The following SP100 variants were observed in gnomAD, a reference collection of about 807,000 sequenced individuals.
The protein encoded by SP100 is SP100 nuclear body protein, also known as nuclear autoantigen Sp-100.
SP100 carries 84 observed loss-of-function variants against 130.0 expected under a neutral mutation model. The observed-to-expected ratio is 0.65, with a 90% CI of 0.54 to 0.77. The LOEUF (loss-of-function observed/expected upper bound fraction) is 0.77, where lower values mean the gene tolerates loss of function less well. Ranked by LOEUF, SP100 falls within the 30% of genes least tolerant of loss-of-function variation. The pLI is 0.00. For synonymous variants in SP100, 331 were observed against 351.7 expected, an observed-to-expected ratio of 0.94 and a Z score of 0.66; for missense variants, 978 against 1,052.2, an observed-to-expected ratio of 0.93 and a Z score of 0.97.
chr2:230,536,420 A>G (rs1317335739), intron 24 of SP100, among the ~76,000 whole-genome samples: 4 of 152,110 alleles, frequency 2.6e-5, no homozygotes, highest in Non-Finnish European at 5.9e-5. Flanking sequence ...ATAGAAATTG[A>G]CCCTCTCAGT....
At chr2:230,506,091 G>C (rs1690074418) in intron 21 of SP100, among the ~76,000 whole-genome samples, 2 of 151,920 alleles carry the variant, frequency 1.3e-5, no homozygotes, top group Non-Finnish European at 2.9e-5. Context: ...CTCATTGCAT[G>C]ATGGTCAAAG....
chr2:230,439,265 G>T (rs900684615), intron 2 of SP100, among the ~76,000 whole-genome samples: 1 of 151,980 alleles, frequency 6.6e-6, no homozygotes, highest in African/African-American at 2.4e-5. Flanking sequence ...GCTTAGTCTT[G>T]CTTTGGCAAT....
chr2:230,524,107 G>A (rs1259122176), intron 24 of SP100, among the ~76,000 whole-genome samples: 1 of 148,532 alleles, frequency 6.7e-6, no homozygotes. Context: ...GCCGAGGCAG[G>A]TGGATCACCT....
At chr2:230,466,201 A>AAAAAAC (rs35220862) in intron 11 of SP100, 100 bp from the exon 12 acceptor site, 11,550 of 574,130 alleles carry the variant, frequency 0.02, 404 homozygotes, top group African/African-American at 0.079. Context: ...AAAAAAAAAA[A>AAAAAAC]AACTTTGTTA....
At position 230,543,591 on chromosome 2, in the gene SP100, C is replaced by T. The variant is rs1392631107; in HGVS notation, c.*645C>T. On this transcript the variant is annotated 3_prime_UTR_variant, in exon 29 of 29. Transcript: ENST00000340126. ...TAAAAGAATAAAATACCTAGGAATA[C>T]AGCTAATCAGGGAGGTGAGAGAGTT... is the stretch of plus-strand genomic sequence containing the variant. 1 of 152,086 alleles carries T rather than the reference C, an allele frequency of 6.6e-6. No individual in the cohort carries two copies. The highest frequency in any genetic ancestry group is 1.5e-5 in the Non-Finnish European group (1 of 68,024). The allele number at this position is 152,086 out of a possible 1,614,324, so 9.4% of individuals were successfully genotyped here.
chr2:230,461,955 GA>G (rs370809718), intron 9 of SP100, among the ~76,000 whole-genome samples: 18 of 119,054 alleles, frequency 1.5e-4, no homozygotes, highest in East Asian at 9.3e-4. Flanking sequence ...TCTCAAAAAA[GA>G]AAAAAAAAAG....
chr2:230,539,814 A>G (rs1172599336), intron 25 of SP100, among the ~76,000 whole-genome samples: 2 of 152,174 alleles, frequency 1.3e-5, no homozygotes, highest in African/African-American at 4.8e-5. Context: ...GAGACCTGTG[A>G]ATTCTGCAAG....
At chr2:230,524,511 G>A (rs1691335034) in intron 24 of SP100, among the ~76,000 whole-genome samples, 1 of 152,128 alleles carries the variant, frequency 6.6e-6, no homozygotes, top group African/African-American at 2.4e-5. Context: ...AAATACCCAT[G>A]CAGTTAATTT....
intron 17 of SP100, among the ~76,000 whole-genome samples, chr2:230,485,158 G>T (rs1406186658): frequency 6.6e-6 from 1 of 151,222 alleles, no homozygotes; most frequent in African/African-American, 2.4e-5. Flanking sequence ...TCACTATGTT[G>T]CCTAGGCTGG....
chr2:230,451,677 A>G (rs959738889), intron 8 of SP100, among the ~76,000 whole-genome samples: 3 of 151,986 alleles, frequency 2.0e-5, no homozygotes, highest in Admixed American at 6.6e-5. Flanking sequence ...TGCTTTTGTG[A>G]TTGTGCTTCT....
intron 9 of SP100, 112 bp from the exon 10 acceptor site, chr2:230,462,323 G>A (rs1345994260): frequency 1.3e-6 from 1 of 756,862 alleles, no homozygotes; most frequent in Non-Finnish European, 2.3e-6. Context: ...CCAGGGTCTT[G>A]AGTTAACTTA....
At chr2:230,540,143 T>C (rs911333630) in intron 25 of SP100, among the ~76,000 whole-genome samples, 1 of 152,184 alleles carries the variant, frequency 6.6e-6, no homozygotes, top group Non-Finnish European at 1.5e-5. Flanking sequence ...TGAGCCCTTG[T>C]ATAGCCCCTA....
At position 230,545,244 on chromosome 2, in the gene SP100, A is replaced by G. The variant is rs1028344235; in HGVS notation, c.*2298A>G. Among the ~76,000 whole-genome samples, 1 of 152,276 alleles carries G rather than the reference A, an allele frequency of 6.6e-6. No individual in the cohort carries two copies. The highest frequency in any genetic ancestry group is 1.5e-5 in the Non-Finnish European group (1 of 68,048). ...TGGTACACATACACCATGGAATAGT[A>G]TGCAGCCATAAGAAACAATGAGATC... On this transcript the variant is annotated 3_prime_UTR_variant, in exon 29 of 29. Coordinates refer to ENST00000340126, the MANE Select transcript of SP100 (RefSeq NM_001080391.2).
chr2:230,514,901 C>T (rs141014105), intron 24 of SP100: 12 of 814,038 alleles, frequency 1.5e-5, no homozygotes, highest in South Asian at 4.8e-5. Context: ...TTACTTAACA[C>T]GAGGTCAAAA....
chr2:230,458,888 A>C (rs1399206866), intron 8 of SP100, among the ~76,000 whole-genome samples: 3 of 152,328 alleles, frequency 2.0e-5, no homozygotes, highest in African/African-American at 7.2e-5. Flanking sequence ...ATAATTAAGA[A>C]ATAAGGGCCG....
At position 230,464,138 on chromosome 2, in the gene SP100, C is replaced by T. The variant is rs1317543131; in HGVS notation, c.1129C>T (p.Gln377Ter). The T allele has an allele frequency of 1.2e-6, 2 of 1,602,892 alleles. No individual in the cohort carries two copies. The highest frequency in any genetic ancestry group is 1.1e-5 in the South Asian group (1 of 90,852). ...EGQEATCSRP[Q>*]IVPEPMDFRK... ...CCAAGAAGCCACTTGCTCACGACCCCAGATTGTACCAGGTAAGAATATTAG... is the reference window on the plus strand; with the variant it reads ...CCAAGAAGCCACTTGCTCACGACCCTAGATTGTACCAGGTAAGAATATTAG... The change falls in exon 11 of 29, where the codon CAG becomes TAG. Residue 377 changes from glutamine to a stop codon, truncating the protein, a stop_gained. Transcript: ENST00000340126. LOFTEE classifies it high-confidence loss of function.
intron 2 of SP100, among the ~76,000 whole-genome samples, chr2:230,417,893 G>A (rs1209499307): frequency 2.0e-5 from 3 of 151,784 alleles, no homozygotes; most frequent in Non-Finnish European, 4.4e-5. Context: ...CATTACCTTT[G>A]TCTATGGTGA....
intron 19 of SP100, among the ~76,000 whole-genome samples, chr2:230,499,620 G>A (rs1011411967): frequency 6.7e-6 from 1 of 149,204 alleles, no homozygotes; most frequent in Non-Finnish European, 1.5e-5. Flanking sequence ...CCCTCAGTGA[G>A]AGTATCTCTT....
chr2:230,460,517 G>A (rs181489352), intron 8 of SP100, among the ~76,000 whole-genome samples: 2 of 149,304 alleles, frequency 1.3e-5, no homozygotes, highest in East Asian at 4.4e-4. Flanking sequence ...AATGGTAGTT[G>A]TCTTTGAGCA....
Sources: gnomAD v4.1 joint callset for allele counts (sites outside exome capture counted in the v4.1 genomes callset) on GRCh38, gnomAD v4.1.1 for gene constraint, MANE v1.5 for transcripts, NCBI Gene and HGNC (gene_info 2026-07-23, HGNC 2026-07-21) for gene names.